Variants in MAST2 observed in about 807,000 individuals in gnomAD.
MAST2 encodes microtubule associated serine/threonine kinase 2, also known as microtubule-associated serine/threonine-protein kinase 2.
A neutral mutation model predicts 147.4 loss-of-function variants in MAST2; 70 were observed. The observed-to-expected ratio is 0.47, with a 90% CI of 0.39 to 0.58. The LOEUF (loss-of-function observed/expected upper bound fraction) is 0.58, where lower values mean the gene tolerates loss of function less well. MAST2 is among the 20% of genes least tolerant of loss of function. MAST2 has a pLI of 0.00. For missense variants in MAST2, 2,080 were observed against 2,302.3 expected (o/e 0.90, Z 1.98); for synonymous variants, 869 against 896.8 (o/e 0.97, Z 0.55).
chr1:45,846,619 A>T (rs1645444773), intron 3 of MAST2, among the ~76,000 whole-genome samples: 1 of 152,088 alleles, frequency 6.6e-6, no homozygotes, highest in Non-Finnish European at 1.5e-5. Flanking sequence ...CAGAAGTTCA[A>T]GACCAGCCTG....
At chr1:45,808,584 T>C (rs185762326) in intron 1 of MAST2, among the ~76,000 whole-genome samples, 146 of 152,350 alleles carry the variant, frequency 9.6e-4, no homozygotes, top group African/African-American at 3.2e-3. Flanking sequence ...GATTCTGCCT[T>C]CATGAAATCT....
intron 4 of MAST2, chr1:45,913,605 A>C (rs1570685287): frequency 5.0e-6 from 5 of 993,736 alleles, no homozygotes; most frequent in African/African-American, 1.7e-5. Flanking sequence ...TGGGATCTGG[A>C]ACTTGTCACT....
At chr1:46,008,410 C>T (rs778722861) in intron 9 of MAST2, 39 bp downstream of exon 9, 26 of 1,445,622 alleles carry the variant, frequency 1.8e-5, no homozygotes, top group Non-Finnish European at 2.0e-5. Flanking sequence ...AATACCCCTC[C>T]GGGTGGCTGC....
intron 4 of MAST2, among the ~76,000 whole-genome samples, chr1:45,929,447 C>G (rs1654931406): frequency 6.6e-6 from 1 of 152,158 alleles, no homozygotes; most frequent in Non-Finnish European, 1.5e-5. Context: ...ACTGATTGCT[C>G]AGCTGAGGAA....
At chr1:46,013,121 A>G (rs11810993) in intron 10 of MAST2, among the ~76,000 whole-genome samples, 67,818 of 151,976 alleles carry the variant, frequency 0.45, 15,328 homozygotes, top group East Asian at 0.63. Context: ...GGAGCATTTA[A>G]TACATGCTAG....
chr1:45,914,316 G>A (rs1652129214), intron 4 of MAST2, among the ~76,000 whole-genome samples: 1 of 152,198 alleles, frequency 6.6e-6, no homozygotes, highest in Non-Finnish European at 1.5e-5. Flanking sequence ...TGCCCTTGCA[G>A]ATTCAAGCAT....
intron 4 of MAST2, among the ~76,000 whole-genome samples, chr1:45,906,518 C>G (rs1257120012): frequency 6.8e-6 from 1 of 148,130 alleles, no homozygotes; most frequent in Non-Finnish European, 1.5e-5. Context: ...TTACAGTAAG[C>G]TAAGATTAAT....
intron 5 of MAST2, among the ~76,000 whole-genome samples, chr1:45,977,512 CAAAA>C (rs1216303336): frequency 2.8e-5 from 4 of 140,938 alleles, no homozygotes; most frequent in African/African-American, 8.0e-5. Flanking sequence ...AACAAACAAA[CAAAA>C]AGGCCGGGTG....
chr1:45,859,333 C>T (rs138654708), intron 3 of MAST2, among the ~76,000 whole-genome samples: 1 of 152,314 alleles, frequency 6.6e-6, no homozygotes, highest in Admixed American at 6.5e-5. Flanking sequence ...CTCCTGGCCT[C>T]AAGTGATCCG....
At chr1:45,947,306 T>TAAAAAAAAAAAA in intron 4 of MAST2, among the ~76,000 whole-genome samples, 1 of 112,670 alleles carries the variant, frequency 8.9e-6, no homozygotes, top group Non-Finnish European at 1.8e-5. Flanking sequence ...TGATGAGCTT[T>TAAAAAAAAAAAA]AAAAAAAAAA....
At chr1:45,997,213 T>C (rs889105549) in intron 5 of MAST2, among the ~76,000 whole-genome samples, 14 of 152,182 alleles carry the variant, frequency 9.2e-5, no homozygotes, top group Non-Finnish European at 1.5e-5. Flanking sequence ...CGAACTATCT[T>C]AAGGTTTACT....
intron 3 of MAST2, among the ~76,000 whole-genome samples, chr1:45,849,361 C>CA (rs1645548549): frequency 6.6e-6 from 1 of 151,992 alleles, no homozygotes. Context: ...ACCAAAACAG[C>CA]ATGTTACTGG....
At chr1:45,880,818 T>C (rs933011025) in intron 3 of MAST2, among the ~76,000 whole-genome samples, 21 of 151,690 alleles carry the variant, frequency 1.4e-4, no homozygotes, top group Admixed American at 3.3e-4. Context: ...CTGTCTCTAC[T>C]AAAAATACAA....
intron 3 of MAST2, among the ~76,000 whole-genome samples, chr1:45,830,878 A>C (rs1170252837): frequency 6.6e-6 from 1 of 150,816 alleles, no homozygotes; most frequent in African/African-American, 2.4e-5. Flanking sequence ...AATAATCATA[A>C]AAAAAAAATT....
intron 4 of MAST2, among the ~76,000 whole-genome samples, chr1:45,897,185 G>A (rs1648878682): frequency 6.6e-6 from 1 of 152,140 alleles, no homozygotes; most frequent in Non-Finnish European, 1.5e-5. Flanking sequence ...ATTGCAGGCA[G>A]CAATACAAGT....
rs71062722 is a variant in MAST2 at position 45,882,012 on chromosome 1, T to TAAAAAAAAA, written c.469-330_469-322dup. Reference sequence around the variant, plus strand: ...TAACACGGTGAAACCCCGTCTCTACTAAAAAAAAAAAAAAAAAAAAAAAAA... The same window carrying TAAAAAAAAA: ...TAACACGGTGAAACCCCGTCTCTACTAAAAAAAAAAAAAAAAAAAAAAAAAAAAAAAAAA... On this transcript the variant is annotated intron_variant, in intron 3 of 28. Transcript: ENST00000361297. Among the ~76,000 whole-genome samples the TAAAAAAAAA allele has an allele frequency of 1.0e-4, 4 of 39,832 alleles. 1 individual carries two copies. The highest frequency in any genetic ancestry group is 1.4e-4 in the Non-Finnish European group (3 of 21,382). The allele number at this position is 39,832 out of a possible 152,430, so 26.1% of individuals were successfully genotyped here.
intron 4 of MAST2, among the ~76,000 whole-genome samples, chr1:45,939,959 G>A (rs1440954198): frequency 8.3e-6 from 1 of 120,540 alleles, no homozygotes; most frequent in African/African-American, 3.1e-5. Flanking sequence ...TCCAAGAACG[G>A]AAGTTCTCTA....
intron 4 of MAST2, among the ~76,000 whole-genome samples, chr1:45,929,310 C>A (rs1293262216): frequency 6.6e-6 from 1 of 152,046 alleles, no homozygotes; most frequent in Admixed American, 6.5e-5. Context: ...GCCTGAGTGT[C>A]CTCAGTTCCT....
At chr1:45,995,167 C>T (rs564489687) in intron 5 of MAST2, among the ~76,000 whole-genome samples, 22 of 152,220 alleles carry the variant, frequency 1.4e-4, no homozygotes, top group African/African-American at 5.1e-4. Context: ...AAATATATTG[C>T]TCTGCTGTCT....
Sources: gnomAD v4.1 joint callset for allele counts (sites outside exome capture counted in the v4.1 genomes callset) on GRCh38, gnomAD v4.1.1 for gene constraint, MANE v1.5 for transcripts, NCBI Gene and HGNC (gene_info 2026-07-23, HGNC 2026-07-21) for gene names.